The following DIS3L2 variants were observed in gnomAD, a reference collection of about 807,000 sequenced individuals.
DIS3L2 encodes DIS3-like exonuclease 2.
A neutral mutation model predicts 97.5 loss-of-function variants in DIS3L2; 34 were observed. The ratio of observed to expected loss-of-function variants is 0.35; its 90% CI spans 0.27 to 0.46. DIS3L2 has a LOEUF of 0.46. Among genes scored for constraint, DIS3L2 ranks in the 20% least tolerant of loss-of-function variants. The probability of loss-of-function intolerance (pLI) is 1.00; values close to 1 mark genes in which losing one functional copy is unlikely to be tolerated. For synonymous variants in DIS3L2, 435 were observed against 445.2 expected, an observed-to-expected ratio of 0.98 and a Z score of 0.29; for missense variants, 1,038 against 1,146.0, an observed-to-expected ratio of 0.91 and a Z score of 1.36.
At chr2:232,310,731 A>T (rs1575010438) in intron 14 of DIS3L2, among the ~76,000 whole-genome samples, 1 of 152,254 alleles carries the variant, frequency 6.6e-6, no homozygotes, top group Non-Finnish European at 1.5e-5. Context: ...CTCCCTGGAT[A>T]CTACCCCAGC....
chr2:232,336,520 G>A lies in DIS3L2; in HGVS notation c.2548G>A (p.Ala850Thr), dbSNP rs1464648812. The A allele has an allele frequency of 6.2e-7, 1 of 1,611,116 alleles. No homozygotes were observed. Among genetic ancestry groups the A allele is most frequent in the Admixed American group, 1.7e-5 (1 of 59,994 alleles). Residue 850 changes from alanine to threonine, a missense_variant, in exon 21 of 21, where the codon GCC (alanine) becomes ACC (threonine). Ala to Thr is a moderately conservative substitution (Grantham distance 58). Coordinates refer to ENST00000325385, the MANE Select transcript of DIS3L2 (RefSeq NM_152383.5). ...GGTGGTCCTGCAGGCAGAGTCCACA[G>A]CCCTCAAGTACAGCGCCATCCTGAA... Reference protein sequence around the residue: ...VEVVLQAESTALKYSAILKRP... With the variant: ...VEVVLQAESTTLKYSAILKRP...
chr2:232,031,615 A>G (rs758053739), intron 5 of DIS3L2, among the ~76,000 whole-genome samples: 4 of 150,954 alleles, frequency 2.6e-5, no homozygotes, highest in Non-Finnish European at 4.4e-5. Flanking sequence ...CCCATCATCT[A>G]TATTAGGTAT....
chr2:232,325,676 C>A lies in DIS3L2; in HGVS notation c.1740-4137C>A, dbSNP rs571013000. Among the ~76,000 whole-genome samples the A allele has an allele frequency of 6.6e-6, 1 of 152,342 alleles. No homozygotes were observed. Among genetic ancestry groups the A allele is most frequent in the South Asian group, 2.1e-4 (1 of 4,832 alleles). On this transcript the variant is annotated intron_variant, in intron 14 of 20. Transcript: ENST00000325385. The surrounding 1 kb of genome is among the most constrained non-coding windows in gnomAD (Gnocchi z 4.6). ...CGCTTGGCTGATGCCAGGCCTGGAT[C>A]CAAGGCCCCCGTCTCCGAGGCCTTA...
At chr2:232,304,704 CTGAG>C (rs1187168986) in intron 14 of DIS3L2, among the ~76,000 whole-genome samples, 2 of 152,210 alleles carry the variant, frequency 1.3e-5, no homozygotes, top group Non-Finnish European at 2.9e-5. Flanking sequence ...TCTCTGCAGC[CTGAG>C]TGAGTGTGTG....
At chr2:232,143,892 A>T (rs184825407) in intron 8 of DIS3L2, among the ~76,000 whole-genome samples, 24 of 151,662 alleles carry the variant, frequency 1.6e-4, no homozygotes, top group East Asian at 3.9e-4. Context: ...AAATGTATTT[A>T]AAAAAAAATT....
At chr2:232,062,119 C>T (rs1407169745) in intron 5 of DIS3L2, among the ~76,000 whole-genome samples, 1 of 152,072 alleles carries the variant, frequency 6.6e-6, no homozygotes, top group Non-Finnish European at 1.5e-5. Context: ...GCCGCTATGC[C>T]GAGATGAAGG....
At chr2:231,974,283 G>C (rs973179247) in intron 1 of DIS3L2, among the ~76,000 whole-genome samples, 3 of 152,122 alleles carry the variant, frequency 2.0e-5, no homozygotes, top group African/African-American at 7.2e-5. Flanking sequence ...CACCTCCCTA[G>C]GGGAAGGCAG....
chr2:232,000,613 T>TTTTACTTTCC (rs1693853998), intron 1 of DIS3L2, among the ~76,000 whole-genome samples: 1 of 107,316 alleles, frequency 9.3e-6, no homozygotes, highest in Non-Finnish European at 1.8e-5. Flanking sequence ...CTTTCCTTTC[T>TTTTACTTTCC]TTTCCTTTCC....
intron 14 of DIS3L2, among the ~76,000 whole-genome samples, chr2:232,312,649 A>C (rs1183156549): frequency 2.0e-5 from 3 of 152,238 alleles, no homozygotes; most frequent in Non-Finnish European, 4.4e-5. Flanking sequence ...CAAACTTGCT[A>C]GGATTTATAT....
At chr2:232,182,767 C>T (rs2106185828) in intron 9 of DIS3L2, among the ~76,000 whole-genome samples, 1 of 152,224 alleles carries the variant, frequency 6.6e-6, no homozygotes, top group South Asian at 2.1e-4. Flanking sequence ...TGCATGACAC[C>T]TGCACATGCA....
downstream of DIS3L2, chr2:232,340,643 C>T (rs1696082483): frequency 4.3e-6 from 2 of 465,982 alleles, no homozygotes; most frequent in African/African-American, 2.0e-5. Flanking sequence ...CCCATCCAGG[C>T]CAGAGATGGG....
Position 231,968,966 on chromosome 2 carries a change from C to T in DIS3L2, c.-94+7201C>T, listed in dbSNP as rs543243412. Among the ~76,000 whole-genome samples, 4 of 152,254 alleles carry T rather than the reference C, an allele frequency of 2.6e-5. No homozygotes were observed. The South Asian group carries it at 8.3e-4, about 32-fold the overall frequency. On this transcript the variant is annotated intron_variant, in intron 1 of 20. Transcript: ENST00000325385. Reference sequence around the variant, plus strand: ...TTGTAATAGTGAATTCTCACAAGATCTGATGGTTTCATAAATGGTAGTTTT... The same window carrying T: ...TTGTAATAGTGAATTCTCACAAGATTTGATGGTTTCATAAATGGTAGTTTT...
At chr2:232,332,944 T>C (rs1265029616) in intron 16 of DIS3L2, among the ~76,000 whole-genome samples, 1 of 152,064 alleles carries the variant, frequency 6.6e-6, no homozygotes, top group Non-Finnish European at 1.5e-5. Context: ...GATCGCATCC[T>C]GGGCTTTCTC....
chr2:232,002,836 C>T (rs1693948454), intron 1 of DIS3L2, among the ~76,000 whole-genome samples: 1 of 152,148 alleles, frequency 6.6e-6, no homozygotes, highest in African/African-American at 2.4e-5. Context: ...TCTTTTTGCA[C>T]AAATGATCGT....
intron 8 of DIS3L2, among the ~76,000 whole-genome samples, chr2:232,154,088 C>G (rs1690403530): frequency 9.3e-6 from 1 of 107,578 alleles, no homozygotes; most frequent in Non-Finnish European, 1.9e-5. Flanking sequence ...ATTGGTTATT[C>G]TAGTTATACA....
chr2:232,285,319 C>T (rs965402741), intron 13 of DIS3L2, among the ~76,000 whole-genome samples: 1 of 152,160 alleles, frequency 6.6e-6, no homozygotes, highest in African/African-American at 2.4e-5. Context: ...GTGGACTCAC[C>T]TAGCACCTGC....
intron 10 of DIS3L2, among the ~76,000 whole-genome samples, chr2:232,233,430 G>A (rs775361523): frequency 5.3e-5 from 8 of 152,196 alleles, no homozygotes; most frequent in Non-Finnish European, 7.3e-5. Context: ...TACCTCTGAG[G>A]CCTGATAACC....
At chr2:232,311,282 T>A (rs1216991918) in intron 14 of DIS3L2, among the ~76,000 whole-genome samples, 1 of 152,264 alleles carries the variant, frequency 6.6e-6, no homozygotes, top group African/African-American at 2.4e-5. Context: ...TGCTATTTTT[T>A]TCTGTAGTGC....
chr2:232,087,826 C>A, intron 6 of DIS3L2, 105 bp downstream of exon 6: 1 of 928,442 alleles, frequency 1.1e-6, no homozygotes, highest in Non-Finnish European at 1.6e-6. Context: ...TGATATAGTC[C>A]TAATTTTTGA....
Sources: allele counts gnomAD v4.1 joint callset (sites outside exome capture counted in the v4.1 genomes callset), GRCh38; gene constraint gnomAD v4.1.1; non-coding constraint Gnocchi (gnomAD v3.1); transcripts MANE v1.5; gene names NCBI Gene and HGNC (gene_info 2026-07-23, HGNC 2026-07-21).